The following ROBO2 variants were observed in gnomAD, a reference collection of about 807,000 sequenced individuals.
ROBO2 encodes roundabout guidance receptor 2, also known as roundabout homolog 2.
In ROBO2, 53 loss-of-function variants were observed where a neutral mutation model predicts 160.8. The ratio of observed to expected loss-of-function variants is 0.33; its 90% CI spans 0.26 to 0.41. The LOEUF (loss-of-function observed/expected upper bound fraction) is 0.41, where lower values mean the gene tolerates loss of function less well. ROBO2 is among the 10% of genes least tolerant of loss of function. ROBO2 has a pLI of 1.00. For missense variants in ROBO2, 1,577 were observed against 1,722.4 expected, an observed-to-expected ratio of 0.92 and a Z score of 1.49; for synonymous variants, 664 against 611.7, an observed-to-expected ratio of 1.09 and a Z score of -1.26.
chr3:76,830,170 C>T (rs529242731), intron 2 of ROBO2, among the ~76,000 whole-genome samples: 2 of 152,188 alleles, frequency 1.3e-5, no homozygotes, highest in East Asian at 1.9e-4. Flanking sequence ...TCAACTGTCC[C>T]CCCCTCCATG....
Position 76,567,630 on chromosome 3 carries a change from T to TATATATATATATATATAC in ROBO2, c.110-530367_110-530366insCATATATATATATATATA, listed in dbSNP as rs1336203825. Among the ~76,000 whole-genome samples, 123 of 75,126 alleles carry TATATATATATATATATAC rather than the reference T, an allele frequency of 1.6e-3. 5 individuals carry two copies. Among genetic ancestry groups the TATATATATATATATATAC allele is most frequent in the South Asian group, 3.4e-3 (7 of 2,060 alleles). 49.3% of individuals were successfully genotyped at this position (75,126 alleles called of 152,430 possible). On this transcript the variant is annotated intron_variant, in intron 2 of 26. Coordinates refer to the ROBO2 transcript ENST00000487694. ...CTATACCAAACTACTGATATATATA[T>TATATATATATATATATAC]ATATATATATATATATATATATACA...
intron 2 of ROBO2, among the ~76,000 whole-genome samples, chr3:77,368,921 C>T (rs948514006): frequency 4.6e-5 from 7 of 152,132 alleles, no homozygotes; most frequent in African/African-American, 1.7e-4. Flanking sequence ...CCCATAAAGT[C>T]ACCTTACTTG....
At chr3:76,504,519 C>CTTTT (rs57591523) in intron 2 of ROBO2, among the ~76,000 whole-genome samples, 13 of 73,544 alleles carry the variant, frequency 1.8e-4, no homozygotes, top group Non-Finnish European at 2.2e-4. Flanking sequence ...AGAAAATACT[C>CTTTT]TTTTTTTTTT....
At chr3:76,383,616 TAA>T (rs766291094) in intron 2 of ROBO2, among the ~76,000 whole-genome samples, 2 of 152,112 alleles carry the variant, frequency 1.3e-5, no homozygotes, top group Non-Finnish European at 2.9e-5. Flanking sequence ...TGATGTGTGT[TAA>T]GAGTGGAAAA....
chr3:77,400,697 T>C (rs1321323594), intron 2 of ROBO2, among the ~76,000 whole-genome samples: 3 of 152,158 alleles, frequency 2.0e-5, no homozygotes, highest in Non-Finnish European at 4.4e-5. Flanking sequence ...TATTGGTTAG[T>C]ATGGGGCTAA....
chr3:76,724,272 C>A (rs557955681), intron 2 of ROBO2, among the ~76,000 whole-genome samples: 67 of 152,266 alleles, frequency 4.4e-4, no homozygotes, highest in African/African-American at 1.6e-3. Context: ...CAAGATCATG[C>A]CACCACACTC....
At chr3:76,354,552 T>C (rs1306724302) in intron 2 of ROBO2, among the ~76,000 whole-genome samples, 1 of 151,892 alleles carries the variant, frequency 6.6e-6, no homozygotes, top group East Asian at 1.9e-4. Flanking sequence ...CAATAATTTA[T>C]TACTGCTTTG....
chr3:76,326,202 T>G (rs2107955510), intron 2 of ROBO2, among the ~76,000 whole-genome samples: 1 of 152,276 alleles, frequency 6.6e-6, no homozygotes, highest in South Asian at 2.1e-4. Context: ...AAGGTTTAAT[T>G]TATCTTCCAC....
At chr3:76,607,995 A>G (rs2087791046) in intron 2 of ROBO2, among the ~76,000 whole-genome samples, 1 of 152,222 alleles carries the variant, frequency 6.6e-6, no homozygotes, top group Non-Finnish European at 1.5e-5. Flanking sequence ...TTATGGATTC[A>G]TAGAGTTGTT....
At chr3:77,550,412 A>G (rs953490257) in intron 7 of ROBO2, among the ~76,000 whole-genome samples, 3 of 152,040 alleles carry the variant, frequency 2.0e-5, no homozygotes, top group African/African-American at 7.2e-5. Context: ...TGCGGTTTAT[A>G]CAACCCATAC....
intron 2 of ROBO2, among the ~76,000 whole-genome samples, chr3:77,476,368 A>ATGTGTGTGTGTGTG (rs60219148): frequency 3.1e-4 from 44 of 144,114 alleles, no homozygotes; most frequent in African/African-American, 9.5e-4. Context: ...GTCTGTGGGT[A>ATGTGTGTGTGTGTG]TGTGTGTGTG....
intron 2 of ROBO2, among the ~76,000 whole-genome samples, chr3:76,012,315 A>G (rs530884848): frequency 6.6e-6 from 1 of 152,368 alleles, no homozygotes; most frequent in East Asian, 1.9e-4. Context: ...TCAAAATGAT[A>G]TTTAAAGGAA....
chr3:77,165,888 G>A (rs2079031743), intron 2 of ROBO2, among the ~76,000 whole-genome samples: 1 of 152,110 alleles, frequency 6.6e-6, no homozygotes, highest in African/African-American at 2.4e-5. Context: ...AAAAATTTCA[G>A]TATATAGAAA....
At chr3:76,919,111 T>C (rs1286880799) in intron 2 of ROBO2, among the ~76,000 whole-genome samples, 1 of 152,130 alleles carries the variant, frequency 6.6e-6, no homozygotes, top group African/African-American at 2.4e-5. Flanking sequence ...GATGGGTTGA[T>C]AGGTACAGCA....
chr3:77,383,225 C>T (rs186518090), intron 2 of ROBO2, among the ~76,000 whole-genome samples: 1 of 152,110 alleles, frequency 6.6e-6, no homozygotes, highest in Admixed American at 6.6e-5. Context: ...ATAATTTAAC[C>T]TCAATTTTCT....
In ROBO2 at chr3:77,188,769, G is replaced by A. The variant is rs79156820; in HGVS notation, c.388+90429G>A. 8.7e-3 allele frequency among the ~76,000 whole-genome samples: 1,327 copies of A among 151,668 alleles called. 105 individuals carry two copies. In the East Asian group the frequency reaches 0.19, roughly 22 times the overall value. Reference sequence around the variant, plus strand: ...CACTAGTCCTGAAATTATGAAAATCGGCCACTAGAATATTTGACTAATATA... The same window carrying A: ...CACTAGTCCTGAAATTATGAAAATCAGCCACTAGAATATTTGACTAATATA... On this transcript the variant is annotated intron_variant, in intron 2 of 25. Coordinates refer to ENST00000461745, the Ensembl canonical transcript of ROBO2.
At chr3:77,381,784 T>C (rs1172165195) in intron 2 of ROBO2, among the ~76,000 whole-genome samples, 1 of 152,226 alleles carries the variant, frequency 6.6e-6, no homozygotes. Context: ...CTTGGTTGAT[T>C]CTCCTCCTTT....
intron 2 of ROBO2, among the ~76,000 whole-genome samples, chr3:77,311,254 C>T (rs976609545): frequency 1.3e-5 from 2 of 152,164 alleles, no homozygotes; most frequent in Admixed American, 6.5e-5. Flanking sequence ...AAACTACATA[C>T]ATCAGGTATT....
chr3:77,483,441 T>A (rs1280622136), intron 4 of ROBO2, among the ~76,000 whole-genome samples: 1 of 151,958 alleles, frequency 6.6e-6, no homozygotes, highest in Non-Finnish European at 1.5e-5. Context: ...TAATACACAT[T>A]TTCCAATACA....
Sources: gnomAD v4.1 joint callset for allele counts (sites outside exome capture counted in the v4.1 genomes callset) on GRCh38, gnomAD v4.1.1 for gene constraint, MANE v1.5 for transcripts, NCBI Gene and HGNC (gene_info 2026-07-23, HGNC 2026-07-21) for gene names.